The following TMEM161B variants were observed in gnomAD, a reference collection of about 807,000 sequenced individuals.
The protein encoded by TMEM161B is transmembrane protein 161B.
In TMEM161B, 34 loss-of-function variants were observed where a neutral mutation model predicts 61.8. The ratio of observed to expected loss-of-function variants is 0.55; its 90% confidence interval spans 0.42 to 0.73. TMEM161B has a LOEUF of 0.73. TMEM161B is among the 30% of genes least tolerant of loss of function. TMEM161B has a pLI of 0.00. For missense variants in TMEM161B, 456 were observed against 558.5 expected (o/e 0.82, Z 1.85); for synonymous variants, 167 against 192.8 (o/e 0.87, Z 1.11).
intron 1 of TMEM161B, among the ~76,000 whole-genome samples, chr5:88,253,828 T>A (rs1006442491): frequency 2.0e-5 from 3 of 152,070 alleles, no homozygotes; most frequent in Non-Finnish European, 2.9e-5. Flanking sequence ...TTTTTAAAAT[T>A]AAAACTTTTA....
At position 88,240,947 on chromosome 5, in the gene TMEM161B, T is replaced by C. The variant is rs760480808; in HGVS notation, c.4-31A>G. ...TAAAAAAAACAAACAAATTTAATAA[T>C]GAATGATTTTGGATTTGGGGACATT... On this transcript the variant is annotated intron_variant, in intron 1 of 11. Transcript: ENST00000296595. 7 of 1,450,344 alleles carry C rather than the reference T, an allele frequency of 4.8e-6. No homozygotes were observed. In the African/African-American group the frequency reaches 7.3e-5, roughly 15 times the overall value. 89.8% of individuals were successfully genotyped at this position (1,450,344 alleles called of 1,614,324 possible).
intron 5 of TMEM161B, among the ~76,000 whole-genome samples, chr5:88,219,566 G>A (rs925619348): frequency 6.6e-6 from 1 of 152,014 alleles, no homozygotes; most frequent in African/African-American, 2.4e-5. Flanking sequence ...AGGATAAAAT[G>A]TCAGAAACCA....
At chr5:88,263,622 T>A (rs1755972438) in intron 1 of TMEM161B, among the ~76,000 whole-genome samples, 1 of 152,214 alleles carries the variant, frequency 6.6e-6, no homozygotes, top group Admixed American at 6.5e-5. Context: ...CTTACTAACA[T>A]GGGCAAAACC....
At chr5:88,210,126 A>C (rs1218093156) in intron 5 of TMEM161B, among the ~76,000 whole-genome samples, 1 of 152,170 alleles carries the variant, frequency 6.6e-6, no homozygotes, top group Admixed American at 6.5e-5. Context: ...TCCACTTGAA[A>C]ATTAATTTCT....
intron 1 of TMEM161B, among the ~76,000 whole-genome samples, chr5:88,249,021 T>C (rs1753987214): frequency 6.6e-6 from 1 of 152,072 alleles, no homozygotes; most frequent in Admixed American, 6.6e-5. Context: ...GTTTTACAAA[T>C]GGCAAAAGTA....
intron 9 of TMEM161B, 34 bp downstream of exon 9, chr5:88,202,928 T>C: frequency 7.5e-7 from 1 of 1,334,594 alleles, no homozygotes; most frequent in Admixed American, 1.7e-5. Flanking sequence ...GCAGTTTTGG[T>C]GATAAAAATC....
At chr5:88,234,361 A>AAAGTAGT in intron 2 of TMEM161B, among the ~76,000 whole-genome samples, 1 of 152,166 alleles carries the variant, frequency 6.6e-6, no homozygotes. Flanking sequence ...TTAGGTTGAA[A>AAAGTAGT]AAGTTGTCTG....
chr5:88,230,856 G>T (rs1332352696), intron 2 of TMEM161B, among the ~76,000 whole-genome samples: 1 of 152,080 alleles, frequency 6.6e-6, no homozygotes, highest in African/African-American at 2.4e-5. Context: ...GTCAAGGTGG[G>T]CCCCAGATAG....
chr5:88,207,109 G>A lies in TMEM161B; in HGVS notation c.518C>T (p.Thr173Ile), dbSNP rs765485638. 1 of 1,613,028 alleles carries A rather than the reference G, an allele frequency of 6.2e-7. No homozygotes were observed. Among genetic ancestry groups the A allele is most frequent in the East Asian group, 2.2e-5 (1 of 44,702 alleles). Residue 173 changes from threonine (T) to isoleucine (I), a missense_variant, in exon 6 of 12, where the codon ACC (threonine) becomes ATC (isoleucine). Physicochemically the swap from Thr to Ile is moderately conservative, Grantham distance 89. Transcript: ENST00000296595. Reference sequence around the variant, plus strand: ...TTTGACAAAGAAAAAAAATCCAAAGGTGACACAAACAGATCTTTCACCACC... The same window carrying A: ...TTTGACAAAGAAAAAAAATCCAAAGATGACACAAACAGATCTTTCACCACC... ...EDGGERSVCV[T>I]FGFFFFVKAM...
rs555455289 is a variant in TMEM161B at position 88,202,948 on chromosome 5, A to C, written c.914+14T>G. The C allele has an allele frequency of 8.3e-5, 128 of 1,543,368 alleles. No homozygotes were observed. In the East Asian group the frequency reaches 2.4e-3, roughly 29 times the overall value. On this transcript the variant is annotated intron_variant, in intron 9 of 11. Transcript: ENST00000296595. ...TTTGGTGATAAAAATCAGCCCTCAA[A>C]TGCCCATACTTACAAAGGGATACTT...
At chr5:88,257,760 AATAAGCTAATATTT>A (rs1390202978) in intron 1 of TMEM161B, among the ~76,000 whole-genome samples, 2 of 152,238 alleles carry the variant, frequency 1.3e-5, no homozygotes, top group Non-Finnish European at 2.9e-5. Flanking sequence ...ATAAAGATTA[AATAAGCTAATATTT>A]ATAAGACCTG....
intron 1 of TMEM161B, among the ~76,000 whole-genome samples, chr5:88,257,944 TTC>T (rs769731749): frequency 8.5e-5 from 13 of 152,116 alleles, no homozygotes; most frequent in Non-Finnish European, 1.3e-4. Flanking sequence ...ACGTGGCCAA[TTC>T]TCTCTTTTTA....
At position 88,225,884 on chromosome 5, in the gene TMEM161B, G is replaced by A. The variant is rs972576709; in HGVS notation, c.192-18C>T. 3 of 1,542,870 alleles carry A rather than the reference G, an allele frequency of 1.9e-6. No individual in the cohort carries two copies. The highest frequency in any genetic ancestry group is 1.8e-5 in the Admixed American group (1 of 54,744). ...TATATTTCCTATAAAAATCAGACAA[G>A]TGACACAAAAAACAAGTTACCTACA... On this transcript the variant is annotated intron_variant, in intron 3 of 11. Coordinates refer to ENST00000296595, the MANE Select transcript of TMEM161B (RefSeq NM_153354.5).
At chr5:88,256,661 C>T (rs1287075272) in intron 1 of TMEM161B, among the ~76,000 whole-genome samples, 3 of 152,224 alleles carry the variant, frequency 2.0e-5, no homozygotes, top group African/African-American at 7.2e-5. Context: ...TTAAGGGTCT[C>T]TCCCCCTTGA....
chr5:88,187,351 C>T (rs148744901), downstream of TMEM161B, among the ~76,000 whole-genome samples: 2 of 152,016 alleles, frequency 1.3e-5, no homozygotes, highest in African/African-American at 4.8e-5. Flanking sequence ...AGATAGAAAA[C>T]TTTTGTTTGA....
At chr5:88,242,254 C>A (rs532750698) in intron 1 of TMEM161B, among the ~76,000 whole-genome samples, 1 of 151,810 alleles carries the variant, frequency 6.6e-6, no homozygotes, top group East Asian at 1.9e-4. Flanking sequence ...TCAGCATATT[C>A]CACTGAAACA....
At chr5:88,191,695 C>T (rs1748877011), downstream of TMEM161B, among the ~76,000 whole-genome samples, 1 of 151,758 alleles carries the variant, frequency 6.6e-6, no homozygotes, top group East Asian at 1.9e-4. Context: ...CGGTGGCCCA[C>T]GCCTGTAATC....
At chr5:88,237,287 T>C (rs1329222244) in intron 2 of TMEM161B, among the ~76,000 whole-genome samples, 1 of 152,160 alleles carries the variant, frequency 6.6e-6, no homozygotes, top group African/African-American at 2.4e-5. Flanking sequence ...GCAAAAATGA[T>C]GTATCTACTT....
intron 1 of TMEM161B, among the ~76,000 whole-genome samples, chr5:88,241,419 C>T (rs915460055): frequency 2.0e-5 from 3 of 151,940 alleles, no homozygotes; most frequent in Admixed American, 2.0e-4. Flanking sequence ...TTAGTATACA[C>T]ATCTATAATC....
Sources: gnomAD v4.1 joint callset for allele counts (sites outside exome capture counted in the v4.1 genomes callset) on GRCh38, gnomAD v4.1.1 for gene constraint, MANE v1.5 for transcripts, NCBI Gene and HGNC (gene_info 2026-07-23, HGNC 2026-07-21) for gene names.